Variants in BID observed in about 807,000 individuals in gnomAD.
BID encodes BH3 interacting domain death agonist.
In BID, 19 loss-of-function variants were observed where a neutral mutation model predicts 17.4. The observed-to-expected ratio is 1.09, with a 90% CI of 0.76 to 1.60. The LOEUF is 1.60. BID is among the 40% of genes most tolerant of loss of function. BID has a pLI of 0.00. For missense variants in BID, 226 were observed against 256.0 expected (o/e 0.88, Z 0.80); for synonymous variants, 108 against 102.8 (o/e 1.05, Z -0.31).
At chr22:17,750,335 A>G (rs1349938283) in intron 1 of BID, among the ~76,000 whole-genome samples, 161 bp from the exon 2 acceptor site, 2 of 152,198 alleles carry the variant, frequency 1.3e-5, no homozygotes, top group Admixed American at 1.3e-4. Context: ...GCGGGAGCCA[A>G]GCTTTGTTTT....
At chr22:17,746,112 A>C (rs2061493533) in intron 2 of BID, among the ~76,000 whole-genome samples, 1 of 152,168 alleles carries the variant, frequency 6.6e-6, no homozygotes, top group Non-Finnish European at 1.5e-5. Flanking sequence ...AAGTGAACTA[A>C]CTCAGAAACA....
rs772373402 is a variant in BID at position 17,773,738 on chromosome 22, G to A, written c.-59+643C>T. The stretch of plus-strand genomic sequence containing the variant: ...GAACCCTTGCCAGCCCAGCCACTTG[G>A]TGGCTGAGGGCTTCAGAGCTCTCCC... On this transcript the variant is annotated intron_variant, in intron 1 of 5. Transcript: ENST00000622694. This position sits in a 1 kb window ranked among gnomAD's most constrained non-coding sequence, Gnocchi z 4.4. 3.4e-4 allele frequency: 529 copies of A among 1,577,244 alleles called. No homozygotes were observed. The highest frequency in any genetic ancestry group is 4.2e-4 in the Non-Finnish European group (487 of 1,160,828).
chr22:17,763,488 C>T (rs576491457), intron 1 of BID, among the ~76,000 whole-genome samples: 35 of 152,318 alleles, frequency 2.3e-4, no homozygotes, highest in Non-Finnish European at 3.8e-4. Context: ...AGGTGATCCG[C>T]CCGCCTTGGT....
At position 17,773,058 on chromosome 22, in the gene BID, C is replaced by T. The variant is rs1455017015; in HGVS notation, c.-59+1323G>A. On this transcript the variant is annotated intron_variant, in intron 1 of 5. Transcript: ENST00000622694. The surrounding 1 kb of genome is among the most constrained non-coding windows in gnomAD (Gnocchi z 4.4). ...AGACACGAGCTGCTTCCTCATGCTC[C>T]CTGTGCCCGTCCTGGGAGATCCCTG... is the stretch of plus-strand genomic sequence containing the variant. Among the ~76,000 whole-genome samples the T allele has an allele frequency of 6.6e-6, 1 of 152,168 alleles. No individual in the cohort carries two copies. Among genetic ancestry groups the T allele is most frequent in the Non-Finnish European group, 1.5e-5 (1 of 68,026 alleles).
chr22:17,749,502 T>C (rs2061520835), intron 2 of BID, among the ~76,000 whole-genome samples: 1 of 152,202 alleles, frequency 6.6e-6, no homozygotes, highest in Non-Finnish European at 1.5e-5. Flanking sequence ...TTAAATCCAG[T>C]GGGTTAAAAA....
intron 1 of BID, among the ~76,000 whole-genome samples, chr22:17,768,459 G>C (rs1158187756): frequency 6.6e-6 from 1 of 152,220 alleles, no homozygotes; most frequent in Non-Finnish European, 1.5e-5. Context: ...CTGGGCTTCT[G>C]GGTGGGGCAT....
At position 17,773,515 on chromosome 22, in the gene BID, C is replaced by A. The variant is rs1569056922; in HGVS notation, c.-59+866G>T. On this transcript the variant is annotated intron_variant, in intron 1 of 5. Coordinates refer to ENST00000622694, the MANE Select transcript of BID (RefSeq NM_001196.4). This position sits in a 1 kb window ranked among gnomAD's most constrained non-coding sequence, Gnocchi z 4.4. Reference sequence around the variant, plus strand: ...GTGCAAGCCTGAGAAGGTGGAAGAGCTCTGGGTGGGTCCATCTGCTCCTCA... The same window carrying A: ...GTGCAAGCCTGAGAAGGTGGAAGAGATCTGGGTGGGTCCATCTGCTCCTCA... The A allele has an allele frequency of 1.5e-6, 2 of 1,290,832 alleles. No homozygotes were observed. The highest frequency in any genetic ancestry group is 2.2e-6 in the Non-Finnish European group (2 of 904,940). 80.0% of individuals were successfully genotyped at this position (1,290,832 alleles called of 1,614,324 possible). A position where few individuals can be genotyped will look rare whatever the true frequency, so the allele number is the denominator to read the frequency against.
At position 17,743,787 on chromosome 22, in the gene BID, G is replaced by T; in HGVS notation, c.223+16C>A. ...GAAGCCCAGCTTTGGGGAAGGAGGT[G>T]GGGCCGGCCGCCTACCTGCCTCTAT... On this transcript the variant is annotated intron_variant, in intron 3 of 5. Coordinates refer to ENST00000622694, the MANE Select transcript of BID (RefSeq NM_001196.4). 2 of 1,600,864 alleles carry T rather than the reference G, an allele frequency of 1.2e-6. No individual in the cohort carries two copies. Among genetic ancestry groups the T allele is most frequent in the Non-Finnish European group, 1.7e-6 (2 of 1,173,910 alleles).
Position 17,750,121 on chromosome 22 carries a change from T to C in BID, c.-5A>G, listed in dbSNP as rs1329937128. The C allele has an allele frequency of 6.2e-7, 1 of 1,613,272 alleles. No individual in the cohort carries two copies. The highest frequency in any genetic ancestry group is 1.7e-4 in the Middle Eastern group (1 of 6,006). ...GCCTCTGACCTCACAGTCCATGGCC[T>C]GGGCAGCGCGGCAGCTCCGACTCAC... On this transcript the variant is annotated 5_prime_UTR_variant, in exon 2 of 6. Coordinates refer to ENST00000622694, the MANE Select transcript of BID (RefSeq NM_001196.4).
intron 1 of BID, among the ~76,000 whole-genome samples, chr22:17,766,780 C>T (rs971645408): frequency 5.3e-5 from 8 of 150,502 alleles, no homozygotes; most frequent in Admixed American, 2.6e-4. Context: ...TTAGTGGACA[C>T]GGGGTTTCAC....
At chr22:17,745,516 G>A (rs2061489519) in intron 2 of BID, among the ~76,000 whole-genome samples, 1 of 151,986 alleles carries the variant, frequency 6.6e-6, no homozygotes, top group Non-Finnish European at 1.5e-5. Context: ...TAGCCAAGGT[G>A]GCATGCACCT....
rs545744267 is a variant in BID, at chr22:17,744,757, T to C, written c.13-744A>G. 3.3e-5 allele frequency among the ~76,000 whole-genome samples: 5 copies of C among 152,298 alleles called. No homozygotes were observed. In the South Asian group the frequency reaches 1.0e-3, roughly 32 times the overall value. On this transcript the variant is annotated intron_variant, in intron 2 of 5. Transcript: ENST00000622694. The stretch of plus-strand genomic sequence containing the variant: ...GAGATGGCAGGGACTGTTCTTGGGG[T>C]ACTGACTGTGTTTGGGGGCTGTATT...
chr22:17,752,359 A>C (rs2061546062), intron 1 of BID, among the ~76,000 whole-genome samples: 1 of 152,146 alleles, frequency 6.6e-6, no homozygotes, highest in East Asian at 1.9e-4. Context: ...CCCACAACTC[A>C]TCCAGCTCAA....
At chr22:17,739,283 G>A (rs764177044) in intron 4 of BID, 66 bp downstream of exon 4, 50 of 1,470,522 alleles carry the variant, frequency 3.4e-5, no homozygotes, top group Non-Finnish European at 4.2e-5. Flanking sequence ...GCTGCCTGGT[G>A]AGAGGCAGGG....
chr22:17,771,663 T>A (rs1234208757), intron 1 of BID, among the ~76,000 whole-genome samples: 1 of 152,242 alleles, frequency 6.6e-6, no homozygotes, highest in African/African-American at 2.4e-5. Flanking sequence ...ATAGCTGCTT[T>A]GTGGCCTGTT....
rs139439016 is a variant in BID, at chr22:17,762,418, C to T, written c.-59+11963G>A. Among the ~76,000 whole-genome samples the T allele has an allele frequency of 7.1e-3, 1,085 of 152,240 alleles. 12 individuals carry two copies. Among genetic ancestry groups the T allele is most frequent in the African/African-American group, 0.025 (1,043 of 41,528 alleles). Reference sequence around the variant, plus strand: ...GGCTGAGGCAGAAGAATTGCTTGAACCCAGAAGGCAGAGGTTGCAGTGAGC... The same window carrying T: ...GGCTGAGGCAGAAGAATTGCTTGAATCCAGAAGGCAGAGGTTGCAGTGAGC... On this transcript the variant is annotated intron_variant, in intron 1 of 5. Transcript: ENST00000622694.
intron 2 of BID, among the ~76,000 whole-genome samples, chr22:17,749,793 G>A (rs1438473277): frequency 6.6e-6 from 1 of 152,230 alleles, no homozygotes; most frequent in Non-Finnish European, 1.5e-5. Flanking sequence ...AAAGTGCTGG[G>A]ACCCACAGCC....
chr22:17,759,246 C>CAAAAAAAAAAAAAA (rs61124020), intron 1 of BID, among the ~76,000 whole-genome samples: 21 of 114,792 alleles, frequency 1.8e-4, no homozygotes, highest in African/African-American at 6.3e-4. Context: ...AAAAACAAAA[C>CAAAAAAAAAAAAAA]AAAAAAAAAA....
intron 1 of BID, among the ~76,000 whole-genome samples, chr22:17,765,045 C>T (rs112079353): frequency 0.12 from 18,167 of 152,044 alleles, 1,273 homozygotes; most frequent in African/African-American, 0.16. Flanking sequence ...ACTAGCAGAT[C>T]TGATGAGGGG....
Sources: gnomAD v4.1 joint callset for allele counts (sites outside exome capture counted in the v4.1 genomes callset) on GRCh38, gnomAD v4.1.1 for gene constraint, Gnocchi (gnomAD v3.1) non-coding constraint, MANE v1.5 for transcripts, NCBI Gene and HGNC (gene_info 2026-07-23, HGNC 2026-07-21) for gene names.